L3MBTL4: variants seen among roughly 807,000 people sequenced by gnomAD.
L3MBTL4 encodes the protein L3MBTL histone methyl-lysine binding protein 4, also known as lethal(3)malignant brain tumor-like protein 4.
A neutral mutation model predicts 84.5 loss-of-function variants in L3MBTL4; 70 were observed. The ratio of observed to expected loss-of-function variants is 0.83; its 90% confidence interval spans 0.68 to 1.01. The LOEUF (loss-of-function observed/expected upper bound fraction) is 1.01, where lower values mean the gene tolerates loss of function less well. Among genes scored for constraint, L3MBTL4 ranks in the 50% least tolerant of loss-of-function variants. The pLI, the probability that L3MBTL4 is intolerant of heterozygous loss-of-function variation, is 0.00. For synonymous variants in L3MBTL4, 274 were observed against 259.8 expected (o/e 1.05, Z -0.52); for missense variants, 715 against 754.8 (o/e 0.95, Z 0.62).
chr18:6,153,860 T>C (rs1361925584), intron 13 of L3MBTL4, among the ~76,000 whole-genome samples: 1 of 152,216 alleles, frequency 6.6e-6, no homozygotes, highest in Non-Finnish European at 1.5e-5. Context: ...GTAAGTTTCC[T>C]GAGACCTCCT....
intron 16 of L3MBTL4, among the ~76,000 whole-genome samples, chr18:6,025,798 G>A (rs1185108798): frequency 6.6e-6 from 1 of 152,214 alleles, no homozygotes; most frequent in Non-Finnish European, 1.5e-5. Context: ...ACGCTCCTAT[G>A]AGAATCTAAT....
At chr18:6,335,645 G>A (rs1357302941) in intron 1 of L3MBTL4, among the ~76,000 whole-genome samples, 1 of 152,156 alleles carries the variant, frequency 6.6e-6, no homozygotes, top group Admixed American at 6.5e-5. Context: ...ACATGTCAAG[G>A]GAGGGACCTG....
chr18:6,276,338 G>A (rs761087229), intron 4 of L3MBTL4, among the ~76,000 whole-genome samples: 4 of 152,188 alleles, frequency 2.6e-5, no homozygotes, highest in Non-Finnish European at 5.9e-5. Flanking sequence ...AATTGATTGA[G>A]ACCTGTCTCC....
At chr18:6,087,286 C>A (rs530604789) in intron 15 of L3MBTL4, among the ~76,000 whole-genome samples, 1 of 152,098 alleles carries the variant, frequency 6.6e-6, no homozygotes, top group Non-Finnish European at 1.5e-5. Context: ...AATTCTAGGG[C>A]AGGTGGTGGT....
chr18:6,080,978 A>G (rs1218952906), intron 15 of L3MBTL4, 27 bp from the exon 16 acceptor site: 1 of 1,541,998 alleles, frequency 6.5e-7, no homozygotes. Context: ...AATAAAATCT[A>G]GATTCATTAT....
chr18:6,260,886 C>A (rs1042495322), intron 5 of L3MBTL4: 3 of 152,198 alleles, frequency 2.0e-5, no homozygotes, highest in African/African-American at 7.2e-5. Flanking sequence ...GGAAAGCTGA[C>A]ATGAACCATC....
At chr18:6,008,869 C>T (rs983411068) in intron 16 of L3MBTL4, among the ~76,000 whole-genome samples, 7 of 152,160 alleles carry the variant, frequency 4.6e-5, no homozygotes, top group Admixed American at 2.6e-4. Context: ...TGTTGTCTGA[C>T]GGATTGACAT....
At chr18:6,276,670 A>C (rs1330304657) in intron 4 of L3MBTL4, among the ~76,000 whole-genome samples, 1 of 145,954 alleles carries the variant, frequency 6.9e-6, no homozygotes, top group African/African-American at 2.5e-5. Context: ...AAAAAAAAAA[A>C]CCCTACCTGT....
At chr18:5,979,874 T>C (rs1209870657) in intron 16 of L3MBTL4, among the ~76,000 whole-genome samples, 1 of 152,150 alleles carries the variant, frequency 6.6e-6, no homozygotes, top group Admixed American at 6.5e-5. Flanking sequence ...CTTCCAGGGA[T>C]CCTGCGTGGG....
intron 1 of L3MBTL4, among the ~76,000 whole-genome samples, chr18:6,337,719 C>T (rs2052411058): frequency 1.3e-5 from 2 of 151,988 alleles, no homozygotes; most frequent in African/African-American, 2.4e-5. Flanking sequence ...AAGCTGAACA[C>T]GTATGTTCGA....
intron 10 of L3MBTL4, among the ~76,000 whole-genome samples, chr18:6,232,185 C>T (rs1166276520): frequency 6.6e-6 from 1 of 152,078 alleles, no homozygotes; most frequent in African/African-American, 2.4e-5. Context: ...GTATATTACA[C>T]TGATTAATTT....
intron 12 of L3MBTL4, among the ~76,000 whole-genome samples, chr18:6,209,459 A>G (rs1438642664): frequency 6.6e-6 from 1 of 151,116 alleles, no homozygotes; most frequent in Non-Finnish European, 1.5e-5. Flanking sequence ...AAAAAAAAAA[A>G]AGCCAAAACA....
intron 5 of L3MBTL4, among the ~76,000 whole-genome samples, chr18:6,250,989 A>G (rs2047899093): frequency 6.6e-6 from 1 of 152,234 alleles, no homozygotes; most frequent in Non-Finnish European, 1.5e-5. Context: ...TGTGATATAA[A>G]CAGCTTGACC....
At chr18:6,396,905 A>G (rs950977735) in intron 1 of L3MBTL4, 31 of 152,242 alleles carry the variant, frequency 2.0e-4, no homozygotes, top group African/African-American at 7.2e-4. Flanking sequence ...TCACACACCT[A>G]CAAAAGGCTA....
chr18:6,030,799 G>C lies in L3MBTL4; in HGVS notation c.1444+50082C>G, dbSNP rs142524097. ...CTTGAAGTTTCATTGCATTAAAAACGTCTTACGATAATGAAGTAAAACATT... is the reference window on the plus strand; with the variant it reads ...CTTGAAGTTTCATTGCATTAAAAACCTCTTACGATAATGAAGTAAAACATT... On this transcript the variant is annotated intron_variant, in intron 16 of 18. Coordinates refer to ENST00000317931, the MANE Select transcript of L3MBTL4 (RefSeq NM_001330559.2). 1.6e-4 allele frequency: 161 copies of C among 984,732 alleles called. 1 individual carries two copies. In the African/African-American group the frequency reaches 2.6e-3, roughly 16 times the overall value. The allele number at this position is 984,732 out of a possible 1,614,324, so 61.0% of individuals were successfully genotyped here.
intron 10 of L3MBTL4, among the ~76,000 whole-genome samples, chr18:6,237,473 T>G (rs911922120): frequency 2.9e-4 from 41 of 143,232 alleles, no homozygotes; most frequent in Non-Finnish European, 4.7e-4. Flanking sequence ...TTTTTTTTTT[T>G]GAGACAGAGT....
intron 1 of L3MBTL4, among the ~76,000 whole-genome samples, chr18:6,344,478 A>T (rs556562461): frequency 2.0e-4 from 31 of 152,326 alleles, no homozygotes; most frequent in African/African-American, 7.0e-4. Flanking sequence ...ACTAACACCA[A>T]TCCTTCTCAA....
chr18:6,071,827 A>AG (rs1568067297), intron 16 of L3MBTL4, among the ~76,000 whole-genome samples: 2 of 134,826 alleles, frequency 1.5e-5, no homozygotes, highest in South Asian at 2.2e-4. Flanking sequence ...AAAGAAAGAA[A>AG]GAAAGAAAGA....
intron 5 of L3MBTL4, among the ~76,000 whole-genome samples, chr18:6,249,461 T>C (rs913537247): frequency 8.5e-5 from 13 of 152,226 alleles, no homozygotes; most frequent in African/African-American, 3.1e-4. Flanking sequence ...AATGTTACTC[T>C]TGTCAGCCTT....
Sources: gnomAD v4.1 joint callset for allele counts (sites outside exome capture counted in the v4.1 genomes callset) on GRCh38, gnomAD v4.1.1 for gene constraint, MANE v1.5 for transcripts, NCBI Gene and HGNC (gene_info 2026-07-23, HGNC 2026-07-21) for gene names.